Variants in ADCY2 observed in about 807,000 individuals in gnomAD.
ADCY2 encodes the protein adenylate cyclase type 2.
ADCY2 carries 31 observed loss-of-function variants against 125.2 expected under a neutral mutation model. That is an observed-to-expected ratio of 0.25 (90% CI 0.19 to 0.33). The LOEUF is 0.33. Ranked by LOEUF, ADCY2 falls within the 10% of genes least tolerant of loss-of-function variation. The probability of loss-of-function intolerance (pLI) is 1.00; values close to 1 mark genes in which losing one functional copy is unlikely to be tolerated. For missense variants in ADCY2, 904 were observed against 1,418.2 expected (o/e 0.64, Z 5.82); for synonymous variants, 512 against 548.4 (o/e 0.93, Z 0.93).
intron 4 of ADCY2, among the ~76,000 whole-genome samples, chr5:7,654,932 T>TG (rs538866160): frequency 2.9e-4 from 44 of 152,242 alleles, no homozygotes; most frequent in Non-Finnish European, 5.4e-4. Context: ...ACTTGGAGAG[T>TG]GGCACCTTCT....
chr5:7,730,482 A>G (rs937120831), intron 14 of ADCY2, among the ~76,000 whole-genome samples: 3 of 152,186 alleles, frequency 2.0e-5, no homozygotes, highest in African/African-American at 7.2e-5. Flanking sequence ...TTGCTCATCA[A>G]TGCTTTTTAA....
At chr5:7,782,967 T>C (rs1483977639) in intron 18 of ADCY2, among the ~76,000 whole-genome samples, 1 of 152,124 alleles carries the variant, frequency 6.6e-6, no homozygotes, top group East Asian at 1.9e-4. Flanking sequence ...AATGGTGACC[T>C]CCTTAAGTTT....
chr5:7,548,833 C>T (rs992773267), intron 3 of ADCY2, among the ~76,000 whole-genome samples: 4 of 152,114 alleles, frequency 2.6e-5, no homozygotes, highest in African/African-American at 9.7e-5. Flanking sequence ...TACAAATGAA[C>T]ATTGTGAAAT....
intron 20 of ADCY2, among the ~76,000 whole-genome samples, chr5:7,792,342 C>T (rs976222339): frequency 7.2e-5 from 11 of 152,144 alleles, no homozygotes; most frequent in African/African-American, 2.2e-4. Context: ...TGCAGTGAGC[C>T]GAGCTCGTGC....
intron 3 of ADCY2, among the ~76,000 whole-genome samples, chr5:7,577,895 C>G (rs1428860910): frequency 6.6e-6 from 1 of 152,130 alleles, no homozygotes; most frequent in Non-Finnish European, 1.5e-5. Context: ...ATGGGGCCCA[C>G]CAACGCAGCG....
chr5:7,621,245 T>G (rs1737944041), intron 3 of ADCY2, among the ~76,000 whole-genome samples: 1 of 152,152 alleles, frequency 6.6e-6, no homozygotes, highest in Non-Finnish European at 1.5e-5. Flanking sequence ...CACTCTCCTC[T>G]AAACACGCAC....
chr5:7,769,589 A>T (rs796494412), intron 17 of ADCY2, among the ~76,000 whole-genome samples: 2 of 152,340 alleles, frequency 1.3e-5, no homozygotes, highest in African/African-American at 4.8e-5. Flanking sequence ...AATTTTTAAC[A>T]TCTGGTGTAT....
intron 15 of ADCY2, among the ~76,000 whole-genome samples, chr5:7,748,057 G>A (rs1742684581): frequency 1.3e-5 from 2 of 152,166 alleles, no homozygotes; most frequent in South Asian, 4.1e-4. Context: ...TCTGGGCCTG[G>A]CATCCTGATG....
At position 7,772,983 on chromosome 5, in the gene ADCY2, C is replaced by T. The variant is rs1310622653; in HGVS notation, c.2266C>T (p.Arg756Trp). The stretch of plus-strand genomic sequence containing the variant: ...ACTGATATCCTGTTCCGTGTTCCTG[C>T]GGGTAAACTATGAGCTGAAGATGTT... The part of the protein sequence containing the change: ...LGLISCSVFL[R>W]VNYELKMLIM... The change falls in exon 18 of 25, where the codon CGG becomes TGG. Residue 756 changes from arginine to tryptophan, a missense_variant. This residue lies in a region of ADCY2 where 221 missense variants were observed against 246.2 expected (regional missense o/e 0.90). Transcript: ENST00000338316. The T allele has an allele frequency of 4.3e-6, 7 of 1,613,982 alleles. No individual in the cohort carries two copies. Among genetic ancestry groups the T allele is most frequent in the Admixed American group, 1.7e-5 (1 of 59,988 alleles).
rs527794374 is a variant in ADCY2 at position 7,539,609 on chromosome 5, C to T, written c.570+18710C>T. Among the ~76,000 whole-genome samples the T allele has an allele frequency of 6.7e-4, 102 of 152,292 alleles. 2 individuals carry two copies. The highest frequency in any genetic ancestry group is 2.3e-3 in the African/African-American group (96 of 41,570). On this transcript the variant is annotated intron_variant, in intron 3 of 24. Coordinates refer to ENST00000338316, the MANE Select transcript of ADCY2 (RefSeq NM_020546.3). ...ACTGTGAAGTTGTCAATAGGTATTTCGAGTGAGATTATGAGCAGCAATGGA... is the reference window on the plus strand; with the variant it reads ...ACTGTGAAGTTGTCAATAGGTATTTTGAGTGAGATTATGAGCAGCAATGGA...
intron 2 of ADCY2, among the ~76,000 whole-genome samples, chr5:7,415,558 C>T (rs935138032): frequency 6.6e-6 from 1 of 152,140 alleles, no homozygotes; most frequent in African/African-American, 2.4e-5. Context: ...TTCTCAATTA[C>T]TAGAATTTTC....
intron 2 of ADCY2, among the ~76,000 whole-genome samples, chr5:7,508,140 A>C (rs1743912810): frequency 6.6e-6 from 1 of 152,150 alleles, no homozygotes; most frequent in Non-Finnish European, 1.5e-5. Context: ...GCTACCTTAG[A>C]AGCTGTGTTT....
At chr5:7,473,155 G>C (rs1742401355) in intron 2 of ADCY2, among the ~76,000 whole-genome samples, 1 of 151,948 alleles carries the variant, frequency 6.6e-6, no homozygotes, top group Non-Finnish European at 1.5e-5. Context: ...AGGCATAAAG[G>C]GTGTCTAAGT....
rs947247955 is a variant in ADCY2, at chr5:7,489,970, G to A, written c.409-30768G>A. ...TTCTATCCTGTTATTCCTGATTTTT[G>A]TGCTTTTTGGTTGAATTTTGAATAC... On this transcript the variant is annotated intron_variant, in intron 2 of 24. Transcript: ENST00000338316. Among the ~76,000 whole-genome samples the A allele has an allele frequency of 2.6e-5, 4 of 152,022 alleles. No homozygotes were observed. The East Asian group carries it at 5.8e-4, about 22-fold the overall frequency.
chr5:7,760,088 T>C (rs963524022), intron 16 of ADCY2, among the ~76,000 whole-genome samples: 1 of 152,228 alleles, frequency 6.6e-6, no homozygotes, highest in African/African-American at 2.4e-5. Flanking sequence ...GCTCTCTGCA[T>C]AGGCAATTTC....
intron 2 of ADCY2, among the ~76,000 whole-genome samples, chr5:7,458,608 C>T (rs778455315): frequency 6.6e-6 from 1 of 152,116 alleles, no homozygotes; most frequent in South Asian, 2.1e-4. Context: ...ATGTTAATGG[C>T]GTTTCTGTCT....
At chr5:7,666,568 G>A (rs887657289) in intron 4 of ADCY2, among the ~76,000 whole-genome samples, 3 of 152,308 alleles carry the variant, frequency 2.0e-5, no homozygotes, top group South Asian at 2.1e-4. Context: ...GTGCTTGGCC[G>A]GGTGGAGTTT....
intron 3 of ADCY2, among the ~76,000 whole-genome samples, chr5:7,582,548 T>C (rs1208449457): frequency 1.3e-5 from 2 of 152,086 alleles, no homozygotes; most frequent in Admixed American, 6.5e-5. Flanking sequence ...AATCCACCAA[T>C]ATATACAAAG....
chr5:7,810,797 T>C (rs1744916461), intron 22 of ADCY2, among the ~76,000 whole-genome samples: 1 of 152,192 alleles, frequency 6.6e-6, no homozygotes, highest in Non-Finnish European at 1.5e-5. Flanking sequence ...CACCACTCCC[T>C]ATTGCCTCAT....
Sources: allele counts gnomAD v4.1 joint callset (sites outside exome capture counted in the v4.1 genomes callset), GRCh38; gene constraint gnomAD v4.1.1; regional missense constraint gnomAD v4.1.1; transcripts MANE v1.5; gene names NCBI Gene and HGNC (gene_info 2026-07-23, HGNC 2026-07-21).